SI: variants seen among roughly 807,000 people sequenced by gnomAD.
SI encodes sucrase-isomaltase, intestinal.
Under a neutral mutation model 253.3 loss-of-function variants are expected in SI, and 235 were observed. The observed-to-expected ratio is 0.93, with a 90% CI of 0.83 to 1.03. SI has a LOEUF of 1.03. Among genes scored for constraint, SI ranks in the 50% least tolerant of loss-of-function variants. The pLI is 0.00. For synonymous variants in SI, 819 were observed against 712.0 expected, an observed-to-expected ratio of 1.15 and a Z score of -2.39; for missense variants, 2,442 against 2,211.1, an observed-to-expected ratio of 1.10 and a Z score of -2.09.
At chr3:165,050,868 C>G (rs777363612) in intron 13 of SI, among the ~76,000 whole-genome samples, 3 of 151,984 alleles carry the variant, frequency 2.0e-5, no homozygotes, top group Non-Finnish European at 2.9e-5. Flanking sequence ...TCCTTCCCCT[C>G]TTATTTCAGC....
At chr3:165,038,114 C>T in intron 20 of SI, 90 bp from the exon 21 acceptor site, 1 of 1,163,264 alleles carries the variant, frequency 8.6e-7, no homozygotes, top group Non-Finnish European at 1.3e-6. Context: ...TTATTATGAG[C>T]AATTCATGTC....
intron 20 of SI, among the ~76,000 whole-genome samples, chr3:165,038,535 C>G (rs1712654801): frequency 6.9e-6 from 1 of 145,280 alleles, no homozygotes; most frequent in South Asian, 2.2e-4. Context: ...TGGTGAAACC[C>G]CATCTCTACT....
intron 45 of SI, among the ~76,000 whole-genome samples, chr3:164,986,561 T>G (rs1057193335): frequency 6.6e-6 from 1 of 152,222 alleles, no homozygotes; most frequent in Non-Finnish European, 1.5e-5. Flanking sequence ...AGTTCCTGTT[T>G]CATTGAACCT....
At position 165,015,023 on chromosome 3, in the gene SI, A is replaced by G. The variant is rs1718958257; in HGVS notation, c.3999+100T>C. On this transcript the variant is annotated intron_variant, in intron 33 of 47. Transcript: ENST00000264382. ...AGTTATTAAATCATTACATTTCTGTATAGCTCTCCTGAACGGTTTTAACTT... is the reference window on the plus strand; with the variant it reads ...AGTTATTAAATCATTACATTTCTGTGTAGCTCTCCTGAACGGTTTTAACTT... 4 of 817,918 alleles carry G rather than the reference A, an allele frequency of 4.9e-6. No homozygotes were observed. The Admixed American group carries it at 8.2e-5, about 17-fold the overall frequency. The allele number at this position is 817,918 out of a possible 1,614,324, so 50.7% of individuals were successfully genotyped here.
intron 19 of SI, 92 bp from the exon 20 acceptor site, chr3:165,039,226 A>C (rs1712692807): frequency 1.2e-6 from 1 of 815,226 alleles, no homozygotes; most frequent in Non-Finnish European, 2.1e-6. Context: ...GTCAAGGGAA[A>C]AAAACTTTAT....
At chr3:165,006,396 C>T (rs1718513678) in intron 37 of SI, among the ~76,000 whole-genome samples, 1 of 152,176 alleles carries the variant, frequency 6.6e-6, no homozygotes. Context: ...AGGCGTGAGC[C>T]ACTGTGCCTG....
intron 44 of SI, among the ~76,000 whole-genome samples, chr3:164,989,736 G>T (rs917454193): frequency 6.6e-6 from 1 of 152,054 alleles, no homozygotes; most frequent in Non-Finnish European, 1.5e-5. Context: ...TCATCAAATG[G>T]AATATTATTC....
At position 165,015,049 on chromosome 3, in the gene SI, T is replaced by C. The variant is rs552572291; in HGVS notation, c.3999+74A>G. On this transcript the variant is annotated intron_variant, in intron 33 of 47. Coordinates refer to ENST00000264382, the MANE Select transcript of SI (RefSeq NM_001041.4). ...TAGCTCTCCTGAACGGTTTTAACTT[T>C]TACTAATTAAATGGAAACTTTCATT... 9.9e-4 allele frequency: 1,131 copies of C among 1,145,190 alleles called. 7 individuals are homozygous for C. The African/African-American group carries it at 0.015, about 16-fold the overall frequency. The allele number at this position is 1,145,190 out of a possible 1,614,324, so 70.9% of individuals were successfully genotyped here.
At chr3:165,073,422 G>A in intron 3 of SI, among the ~76,000 whole-genome samples, 1 of 151,900 alleles carries the variant, frequency 6.6e-6, no homozygotes, top group East Asian at 1.9e-4. Flanking sequence ...GTAAGCTATA[G>A]GACCTATTAC....
At chr3:165,054,152 A>G (rs1252416642) in intron 13 of SI, among the ~76,000 whole-genome samples, 1 of 152,168 alleles carries the variant, frequency 6.6e-6, no homozygotes, top group Admixed American at 6.6e-5. Context: ...TTTAATAAAT[A>G]AGTGAATAAT....
At chr3:165,024,073 A>G (rs1347499950) in intron 25 of SI, among the ~76,000 whole-genome samples, 1 of 151,448 alleles carries the variant, frequency 6.6e-6, no homozygotes, top group East Asian at 1.9e-4. Context: ...CTGCAAAAGC[A>G]AGTATATTAC....
chr3:165,000,412 T>C (rs1718204115), intron 37 of SI, among the ~76,000 whole-genome samples: 1 of 151,354 alleles, frequency 6.6e-6, no homozygotes, highest in Non-Finnish European at 1.5e-5. Flanking sequence ...ATTGTATATT[T>C]CAGAATAGCT....
At chr3:165,067,589 C>A (rs1489761950) in intron 5 of SI, 98 bp from the exon 6 acceptor site, 4 of 1,075,346 alleles carry the variant, frequency 3.7e-6, no homozygotes, top group Non-Finnish European at 5.7e-6. Context: ...TAAAAAATAA[C>A]GTGGTGATTA....
chr3:165,009,452 T>C, intron 34 of SI, 57 bp from the exon 35 acceptor site: 1 of 908,244 alleles, frequency 1.1e-6, no homozygotes, highest in East Asian at 2.4e-5. Flanking sequence ...ATTATATACA[T>C]ATAAATCTGA....
At chr3:165,072,549 A>G (rs1378710379) in intron 3 of SI, among the ~76,000 whole-genome samples, 2 of 152,064 alleles carry the variant, frequency 1.3e-5, no homozygotes, top group Non-Finnish European at 2.9e-5. Flanking sequence ...TTCATTTTTC[A>G]TTCCTTTATG....
chr3:165,069,010 G>T, intron 4 of SI, 68 bp downstream of exon 4: 1 of 1,152,070 alleles, frequency 8.7e-7, no homozygotes, highest in Non-Finnish European at 1.3e-6. Flanking sequence ...TCTATTTAAG[G>T]TATTTTCCAC....
At chr3:165,071,468 A>G (rs1346591862) in intron 3 of SI, among the ~76,000 whole-genome samples, 1 of 151,280 alleles carries the variant, frequency 6.6e-6, no homozygotes, top group African/African-American at 2.4e-5. Flanking sequence ...TTTATCATAT[A>G]TATGTATATA....
intron 33 of SI, among the ~76,000 whole-genome samples, chr3:165,013,583 A>G (rs559118833): frequency 6.6e-6 from 1 of 151,976 alleles, no homozygotes; most frequent in Non-Finnish European, 1.5e-5. Context: ...TTTTCCTTCT[A>G]CTCTGACCAG....
At chr3:165,041,226 C>G in intron 17 of SI, 132 bp from the exon 18 acceptor site, 1 of 736,338 alleles carries the variant, frequency 1.4e-6, no homozygotes, top group Non-Finnish European at 2.3e-6. Context: ...AAAATTATTC[C>G]TATTTCATCA....
Sources: gnomAD v4.1 joint callset for allele counts (sites outside exome capture counted in the v4.1 genomes callset) on GRCh38, gnomAD v4.1.1 for gene constraint, MANE v1.5 for transcripts, NCBI Gene and HGNC (gene_info 2026-07-23, HGNC 2026-07-21) for gene names.